The following NT5C2 variants were observed in gnomAD, a reference collection of about 807,000 sequenced individuals.
NT5C2 encodes 5'-nucleotidase, cytosolic II.
NT5C2 carries 58 observed loss-of-function variants against 76.1 expected under a neutral mutation model. The ratio of observed to expected loss-of-function variants is 0.76; its 90% CI spans 0.62 to 0.95. The LOEUF (loss-of-function observed/expected upper bound fraction) is 0.95, where lower values mean the gene tolerates loss of function less well. Ranked by LOEUF, NT5C2 falls within the 40% of genes least tolerant of loss-of-function variation. The pLI is 0.00. For missense variants in NT5C2, 478 were observed against 690.3 expected (o/e 0.69, Z 3.45); for synonymous variants, 229 against 237.4 (o/e 0.96, Z 0.32).
intron 4 of NT5C2, among the ~76,000 whole-genome samples, chr10:103,131,643 G>A (rs1485361301): frequency 6.6e-6 from 1 of 152,210 alleles, no homozygotes; most frequent in Non-Finnish European, 1.5e-5. Flanking sequence ...AAGCAACGCC[G>A]GGTGCAGTGG....
At chr10:103,172,247 ATTT>A (rs34644789) in intron 3 of NT5C2, among the ~76,000 whole-genome samples, 1 of 141,102 alleles carries the variant, frequency 7.1e-6, no homozygotes, top group Non-Finnish European at 1.5e-5. Flanking sequence ...TTAACTTTAA[ATTT>A]TTTTTTTTTT....
chr10:103,123,792 G>A (rs915135310), intron 4 of NT5C2, among the ~76,000 whole-genome samples: 1 of 151,990 alleles, frequency 6.6e-6, no homozygotes, highest in Non-Finnish European at 1.5e-5. Context: ...ACCTCCTTCC[G>A]GATTTCCAAG....
At chr10:103,111,278 T>C (rs993615032) in intron 4 of NT5C2, among the ~76,000 whole-genome samples, 2 of 152,152 alleles carry the variant, frequency 1.3e-5, no homozygotes, top group Admixed American at 1.3e-4. Flanking sequence ...AGTTACTCAA[T>C]ATCGGAAGAC....
intron 3 of NT5C2, among the ~76,000 whole-genome samples, chr10:103,156,648 G>A (rs1187862884): frequency 2.0e-5 from 3 of 152,014 alleles, no homozygotes; most frequent in Admixed American, 6.5e-5. Context: ...CCAGCTACTC[G>A]GGAGGCTGAG....
chr10:103,131,833 G>A (rs2078225464), intron 4 of NT5C2, among the ~76,000 whole-genome samples: 1 of 152,006 alleles, frequency 6.6e-6, no homozygotes. Context: ...GAAATGGGAG[G>A]ATCACCTAAG....
At chr10:103,133,484 CT>C (rs766140401) in intron 4 of NT5C2, among the ~76,000 whole-genome samples, 5 of 152,158 alleles carry the variant, frequency 3.3e-5, no homozygotes, top group Non-Finnish European at 5.9e-5. Flanking sequence ...AGGTCTCGAA[CT>C]CCTGACCTCA....
At chr10:103,113,326 ATACC>A (rs1350617017) in intron 4 of NT5C2, among the ~76,000 whole-genome samples, 4 of 152,214 alleles carry the variant, frequency 2.6e-5, no homozygotes, top group African/African-American at 9.6e-5. Flanking sequence ...AATGAAAAAA[ATACC>A]TACTTCAAAA....
chr10:103,192,081 A>G (rs1018537562), intron 1 of NT5C2, among the ~76,000 whole-genome samples: 2 of 151,820 alleles, frequency 1.3e-5, no homozygotes, highest in Admixed American at 6.6e-5. Flanking sequence ...TGTGGTAAAT[A>G]TTTTTGAAAC....
intron 10 of NT5C2, chr10:103,098,369 C>G (rs904627492): frequency 8.4e-6 from 2 of 236,806 alleles, no homozygotes; most frequent in African/African-American, 4.8e-5. Flanking sequence ...CCTCATTACT[C>G]TCTGTTGACA....
At chr10:103,097,255 C>T in intron 11 of NT5C2, 36 bp downstream of exon 11, 1 of 1,458,388 alleles carries the variant, frequency 6.9e-7, no homozygotes, top group Non-Finnish European at 9.5e-7. Flanking sequence ...CAAAATAATT[C>T]CACTGCATAA....
At chr10:103,164,807 T>C (rs932937725) in intron 3 of NT5C2, among the ~76,000 whole-genome samples, 9 of 152,248 alleles carry the variant, frequency 5.9e-5, no homozygotes, top group Non-Finnish European at 1.0e-4. Context: ...TTTCTTCTTA[T>C]ACTATTTCAA....
chr10:103,137,566 G>T (rs1179500539), intron 4 of NT5C2, among the ~76,000 whole-genome samples: 1 of 152,168 alleles, frequency 6.6e-6, no homozygotes, highest in African/African-American at 2.4e-5. Flanking sequence ...TGTCTAATTT[G>T]AGATGGACAA....
At chr10:103,187,231 C>T (rs2092140601) in intron 1 of NT5C2, among the ~76,000 whole-genome samples, 1 of 151,434 alleles carries the variant, frequency 6.6e-6, no homozygotes, top group Non-Finnish European at 1.5e-5. Flanking sequence ...GCTTGGGCAA[C>T]ACAGAGAGAC....
intron 15 of NT5C2, among the ~76,000 whole-genome samples, chr10:103,092,105 CAGACAG>C (rs2067072863): frequency 6.6e-6 from 1 of 152,102 alleles, no homozygotes; most frequent in Non-Finnish European, 1.5e-5. Flanking sequence ...ACTGATAGTA[CAGACAG>C]TAACAGCAAC....
chr10:103,161,165 T>C (rs973727977), intron 3 of NT5C2, among the ~76,000 whole-genome samples: 2 of 152,162 alleles, frequency 1.3e-5, no homozygotes, highest in African/African-American at 2.4e-5. Context: ...AAACAAAATA[T>C]GGTATATCCA....
chr10:103,151,464 TAA>T (rs371652593), intron 3 of NT5C2, among the ~76,000 whole-genome samples: 4 of 139,078 alleles, frequency 2.9e-5, no homozygotes, highest in Middle Eastern at 3.4e-3. Flanking sequence ...AACCTGTTCT[TAA>T]AAAAAAAAAA....
chr10:103,118,413 G>A (rs1310381196), intron 4 of NT5C2, among the ~76,000 whole-genome samples: 2 of 148,234 alleles, frequency 1.3e-5, no homozygotes, highest in Non-Finnish European at 3.0e-5. Context: ...CTGAAGTGCA[G>A]TGGCACAATC....
chr10:103,101,032 A>G lies in NT5C2; in HGVS notation c.539+13T>C. 7.4e-7 allele frequency: 1 copy of G among 1,351,050 alleles called. No homozygotes were observed. The highest frequency in any genetic ancestry group is 1.1e-6 in the Non-Finnish European group (1 of 942,340). The allele number at this position is 1,351,050 out of a possible 1,614,324, so 83.7% of individuals were successfully genotyped here. A position where few individuals can be genotyped will look rare whatever the true frequency, so the allele number is the denominator to read the frequency against. ...AAATCAATTGGAAAAAAATAATTAT[A>G]GTATATACATACCTGGTATATCTGG... On this transcript the variant is annotated intron_variant, in intron 8 of 18. Coordinates refer to ENST00000404739, the MANE Select transcript of NT5C2 (RefSeq NM_001351169.2).
At position 103,193,264 on chromosome 10, in the gene NT5C2, C is replaced by A. The variant is rs111622998; in HGVS notation, c.-197G>T. 0.1 allele frequency: 15,615 copies of A among 152,068 alleles called. 824 individuals carry two copies. The highest frequency in any genetic ancestry group is 0.16 in the Middle Eastern group (49 of 298). 9.4% of individuals were successfully genotyped at this position (152,068 alleles called of 1,614,324 possible). On this transcript the variant is annotated 5_prime_UTR_variant, in exon 1 of 19. Transcript: ENST00000404739. ...CTCCAGCGCACCGCAACAATCCCAGCGCGCAACTGCCGCAGCCGCCTCAAC... is the reference window on the plus strand; with the variant it reads ...CTCCAGCGCACCGCAACAATCCCAGAGCGCAACTGCCGCAGCCGCCTCAAC...
Sources: allele counts gnomAD v4.1 joint callset (sites outside exome capture counted in the v4.1 genomes callset), GRCh38; gene constraint gnomAD v4.1.1; transcripts MANE v1.5; gene names NCBI Gene and HGNC (gene_info 2026-07-23, HGNC 2026-07-21).